The following GPHN variants were observed in gnomAD, a reference collection of about 807,000 sequenced individuals.
GPHN encodes gephyrin.
Under a neutral mutation model 95.5 loss-of-function variants are expected in GPHN, and 17 were observed. The ratio of observed to expected loss-of-function variants is 0.18; its 90% CI spans 0.12 to 0.27. The LOEUF (loss-of-function observed/expected upper bound fraction) is 0.27. Among genes scored for constraint, GPHN ranks in the 10% least tolerant of loss-of-function variants. The pLI is 1.00. For synonymous variants in GPHN, 320 were observed against 322.5 expected (o/e 0.99, Z 0.08); for missense variants, 660 against 978.1 (o/e 0.67, Z 4.34).
At chr14:67,649,898 T>G in the GPHN span, 2 of 152,190 alleles carry the variant, frequency 1.3e-5, no homozygotes, top group Non-Finnish European at 2.9e-5. Context: ...TTAAATTCTA[T>G]AGAGAAGTGA....
chr14:67,087,179 C>A (rs191067832), intron 11 of GPHN, among the ~76,000 whole-genome samples: 4 of 152,154 alleles, frequency 2.6e-5, no homozygotes, highest in Non-Finnish European at 4.4e-5. Flanking sequence ...TTGGGGCTAG[C>A]CACCAGAAAA....
the GPHN span, among the ~76,000 whole-genome samples, chr14:67,402,280 T>TTA: frequency 2.0e-5 from 3 of 152,240 alleles, no homozygotes; most frequent in Non-Finnish European, 4.4e-5. Context: ...TTAAATTTTT[T>TTA]TATTTTTAAT....
the GPHN span, chr14:67,733,828 C>G: frequency 6.2e-7 from 1 of 1,612,906 alleles, no homozygotes. Flanking sequence ...CTGTGAGCTT[C>G]TAGGAATCCG....
chr14:66,750,283 T>C (rs2058318371), intron 2 of GPHN, among the ~76,000 whole-genome samples: 1 of 151,592 alleles, frequency 6.6e-6, no homozygotes, highest in Non-Finnish European at 1.5e-5. Flanking sequence ...TTTAGATTCA[T>C]TTTTTTTGCA....
chr14:66,560,640 G>A (rs1231305509), intron 1 of GPHN, among the ~76,000 whole-genome samples: 1 of 152,114 alleles, frequency 6.6e-6, no homozygotes, highest in East Asian at 1.9e-4. Flanking sequence ...GGAGATTTTG[G>A]GCTGAGACAA....
rs112633069 is a variant in GPHN, at chr14:66,623,585, T to G, written c.65-57522T>G. ...ATAAGCTGAGATTGTGCCACTGTGC[T>G]CCAGCCTGTGTGTTGGAGTGAGACT... is the stretch of plus-strand genomic sequence containing the variant. On this transcript the variant is annotated intron_variant, in intron 1 of 22. Coordinates refer to ENST00000478722, the MANE Select transcript of GPHN (RefSeq NM_020806.5). Among the ~76,000 whole-genome samples the G allele has an allele frequency of 3.7e-3, 528 of 143,406 alleles. 12 individuals carry two copies. Among genetic ancestry groups the G allele is most frequent in the African/African-American group, 0.013 (503 of 38,912 alleles). The allele number at this position is 143,406 out of a possible 152,430, so 94.1% of individuals were successfully genotyped here.
At chr14:67,235,896 C>G in the GPHN span, among the ~76,000 whole-genome samples, 171 of 152,098 alleles carry the variant, frequency 1.1e-3, no homozygotes, top group Non-Finnish European at 1.6e-3. Context: ...CTTCTTTTCT[C>G]TGTTTATATC....
intron 16 of GPHN, among the ~76,000 whole-genome samples, chr14:67,121,643 A>G (rs1399639093): frequency 6.6e-6 from 1 of 152,184 alleles, no homozygotes; most frequent in Non-Finnish European, 1.5e-5. Context: ...TCGTAGACAT[A>G]GTAGATATTA....
At chr14:66,587,308 A>G (rs935966402) in intron 1 of GPHN, among the ~76,000 whole-genome samples, 5 of 152,218 alleles carry the variant, frequency 3.3e-5, no homozygotes, top group African/African-American at 1.2e-4. Context: ...ACATTTAAAG[A>G]AGAAGTAATA....
chr14:66,904,085 T>C (rs1182972810), intron 5 of GPHN, among the ~76,000 whole-genome samples: 1 of 152,166 alleles, frequency 6.6e-6, no homozygotes, highest in Non-Finnish European at 1.5e-5. Flanking sequence ...TATGATTGTG[T>C]GTCCAGAGTT....
At chr14:67,642,306 T>C in the GPHN span, 3 of 1,613,944 alleles carry the variant, frequency 1.9e-6, no homozygotes, top group Non-Finnish European at 2.5e-6. Context: ...CTGGCTGAGG[T>C]GGTTAGCAGA....
chr14:66,599,149 C>T (rs1481176302), intron 1 of GPHN, among the ~76,000 whole-genome samples: 2 of 151,820 alleles, frequency 1.3e-5, no homozygotes, highest in Admixed American at 6.6e-5. Context: ...GTATTAATAA[C>T]GGAGCATAAT....
chr14:67,188,808 CCTTT>C, the GPHN span, among the ~76,000 whole-genome samples: 3 of 147,208 alleles, frequency 2.0e-5, no homozygotes. Flanking sequence ...CTTCCTTCTT[CCTTT>C]CTTTTTCTTT....
the GPHN span, among the ~76,000 whole-genome samples, chr14:67,469,754 A>T: frequency 2.6e-5 from 4 of 152,290 alleles, no homozygotes; most frequent in East Asian, 7.7e-4. Context: ...CCAACAAAAC[A>T]GGGCTGCCAG....
chr14:67,689,135 T>C, the GPHN span, among the ~76,000 whole-genome samples: 13 of 152,200 alleles, frequency 8.5e-5, no homozygotes, highest in African/African-American at 2.7e-4. Context: ...GTTTTCACCA[T>C]CCAGTTACCC....
the GPHN span, among the ~76,000 whole-genome samples, chr14:67,548,827 G>C: frequency 2.0e-5 from 3 of 152,174 alleles, no homozygotes; most frequent in African/African-American, 7.2e-5. Context: ...TGTCACAATC[G>C]CTTGCCAGTT....
At chr14:67,109,466 T>C (rs1418553467) in intron 13 of GPHN, among the ~76,000 whole-genome samples, 1 of 152,204 alleles carries the variant, frequency 6.6e-6, no homozygotes, top group Non-Finnish European at 1.5e-5. Context: ...TTCTGTCTCT[T>C]ATACCATCAA....
chr14:66,707,981 A>G (rs1446267296), intron 2 of GPHN, among the ~76,000 whole-genome samples: 1 of 152,148 alleles, frequency 6.6e-6, no homozygotes. Flanking sequence ...TTGCATTCTT[A>G]TTAGCTATAG....
chr14:67,057,015 T>G (rs1159032261), intron 10 of GPHN, among the ~76,000 whole-genome samples: 2 of 151,904 alleles, frequency 1.3e-5, no homozygotes, highest in East Asian at 3.9e-4. Context: ...GAACTCGTGC[T>G]GGCCCGCAAG....
Sources: gnomAD v4.1 joint callset for allele counts (sites outside exome capture counted in the v4.1 genomes callset) on GRCh38, gnomAD v4.1.1 for gene constraint, MANE v1.5 for transcripts, NCBI Gene and HGNC (gene_info 2026-07-23, HGNC 2026-07-21) for gene names.